Variants in PTPRT observed in about 807,000 individuals in gnomAD.
PTPRT encodes receptor-type tyrosine-protein phosphatase T.
In PTPRT, 56 loss-of-function variants were observed where a neutral mutation model predicts 176.8. That is an observed-to-expected ratio of 0.32 (90% confidence interval 0.26 to 0.40). The LOEUF (loss-of-function observed/expected upper bound fraction) is 0.40. Among genes scored for constraint, PTPRT ranks in the 10% least tolerant of loss-of-function variants. The probability of loss-of-function intolerance (pLI) is 1.00; values close to 1 mark genes in which losing one functional copy is unlikely to be tolerated. For synonymous variants in PTPRT, 783 were observed against 739.0 expected, an observed-to-expected ratio of 1.06 and a Z score of -0.96; for missense variants, 1,540 against 1,908.2, an observed-to-expected ratio of 0.81 and a Z score of 3.60.
At chr20:42,306,324 T>C (rs1267838839) in intron 12 of PTPRT, among the ~76,000 whole-genome samples, 1 of 152,106 alleles carries the variant, frequency 6.6e-6, no homozygotes, top group East Asian at 1.9e-4. Context: ...AACAATGGAA[T>C]GGAGGCCTGG....
chr20:43,183,488 A>C (rs1285477903), intron 1 of PTPRT, among the ~76,000 whole-genome samples: 1 of 152,240 alleles, frequency 6.6e-6, no homozygotes, highest in Non-Finnish European at 1.5e-5. Context: ...CATAAGTCTA[A>C]CTTCACAAAG....
At chr20:42,219,860 A>G (rs143096837) in intron 15 of PTPRT, among the ~76,000 whole-genome samples, 2 of 152,276 alleles carry the variant, frequency 1.3e-5, no homozygotes, top group African/African-American at 2.4e-5. Context: ...CCTGGCTTTT[A>G]GAGCAATACA....
intron 13 of PTPRT, among the ~76,000 whole-genome samples, chr20:42,280,215 G>C (rs973785693): frequency 2.0e-5 from 3 of 152,058 alleles, no homozygotes; most frequent in Non-Finnish European, 4.4e-5. Context: ...TAATAGATAG[G>C]GTTTGCCTTT....
At chr20:42,472,767 A>G (rs11699471) in intron 7 of PTPRT, among the ~76,000 whole-genome samples, 11,748 of 152,318 alleles carry the variant, frequency 0.077, 537 homozygotes, top group Middle Eastern at 0.15. Flanking sequence ...AAATACATGC[A>G]TCTAATAGAA....
intron 13 of PTPRT, among the ~76,000 whole-genome samples, chr20:42,273,864 G>C (rs898462890): frequency 6.6e-6 from 1 of 152,246 alleles, no homozygotes. Flanking sequence ...CCTTAGTTGG[G>C]TTGGTGGGCC....
At chr20:42,591,011 G>T (rs1480647762) in intron 7 of PTPRT, among the ~76,000 whole-genome samples, 1 of 148,418 alleles carries the variant, frequency 6.7e-6, no homozygotes, top group Non-Finnish European at 1.5e-5. Context: ...TTCCAGAAAT[G>T]CATTGTACTG....
intron 11 of PTPRT, among the ~76,000 whole-genome samples, chr20:42,336,329 A>G (rs2058039268): frequency 6.6e-6 from 1 of 152,236 alleles, no homozygotes; most frequent in Admixed American, 6.5e-5. Context: ...AATGTCTGCA[A>G]TCGATAACTT....
At chr20:42,108,689 T>TAAATA (rs1385664104) in intron 23 of PTPRT, among the ~76,000 whole-genome samples, 2 of 152,276 alleles carry the variant, frequency 1.3e-5, no homozygotes, top group East Asian at 3.9e-4. Flanking sequence ...GAAGGATTAA[T>TAAATA]AAATAATCTG....
At chr20:42,317,466 G>T (rs748872817) in intron 11 of PTPRT, among the ~76,000 whole-genome samples, 50 of 152,238 alleles carry the variant, frequency 3.3e-4, no homozygotes, top group Non-Finnish European at 5.6e-4. Flanking sequence ...ACAGAAGATC[G>T]ATTGCCCAAA....
At chr20:42,343,352 TG>T (rs1428080961) in intron 11 of PTPRT, among the ~76,000 whole-genome samples, 5 of 152,190 alleles carry the variant, frequency 3.3e-5, no homozygotes, top group African/African-American at 1.2e-4. Context: ...GCCAGAAAAC[TG>T]GGAGTCATGC....
chr20:42,699,051 A>C (rs149638538), intron 6 of PTPRT, among the ~76,000 whole-genome samples: 1 of 152,284 alleles, frequency 6.6e-6, no homozygotes, highest in Non-Finnish European at 1.5e-5. Flanking sequence ...ATGGAGAAGA[A>C]ATCTAGTCTC....
Position 42,950,483 on chromosome 20 carries a change from G to C in PTPRT, c.89-64551C>G, listed in dbSNP as rs138359868. ...TCACCTAGCTGCCTTTGTTAACTACGACCATGGGCAGAAGTCTGTGGAAAC... is the reference window on the plus strand; with the variant it reads ...TCACCTAGCTGCCTTTGTTAACTACCACCATGGGCAGAAGTCTGTGGAAAC... On this transcript the variant is annotated intron_variant, in intron 1 of 30. Transcript: ENST00000373187. Among the ~76,000 whole-genome samples the C allele has an allele frequency of 5.9e-5, 9 of 152,102 alleles. No homozygotes were observed. In the East Asian group the frequency reaches 1.7e-3, roughly 29 times the overall value.
intron 6 of PTPRT, among the ~76,000 whole-genome samples, chr20:42,708,537 T>C (rs1219383123): frequency 6.6e-6 from 1 of 152,124 alleles, no homozygotes; most frequent in East Asian, 1.9e-4. Context: ...GAAAGAAACA[T>C]AGACACCGTA....
chr20:42,139,570 T>C (rs751421460), intron 18 of PTPRT, among the ~76,000 whole-genome samples: 2 of 152,150 alleles, frequency 1.3e-5, no homozygotes. Context: ...TATTTCATGG[T>C]GGAGGGCTTC....
At chr20:42,427,258 G>A (rs1297553722) in intron 9 of PTPRT, among the ~76,000 whole-genome samples, 3 of 152,152 alleles carry the variant, frequency 2.0e-5, no homozygotes, top group African/African-American at 7.2e-5. Context: ...GAAGTACCAT[G>A]GGAGTTAAAG....
chr20:43,019,395 C>G (rs560944066), intron 1 of PTPRT, among the ~76,000 whole-genome samples: 15 of 151,938 alleles, frequency 9.9e-5, no homozygotes, highest in Admixed American at 9.2e-4. Context: ...TCAAGGCGGG[C>G]AGATCACGAG....
chr20:42,423,906 T>C (rs999818655), intron 9 of PTPRT, among the ~76,000 whole-genome samples: 2 of 152,200 alleles, frequency 1.3e-5, no homozygotes, highest in East Asian at 3.9e-4. Flanking sequence ...AAATTTCATA[T>C]GTATATAGAC....
chr20:42,510,325 G>C (rs1486404456), intron 7 of PTPRT, among the ~76,000 whole-genome samples: 1 of 151,922 alleles, frequency 6.6e-6, no homozygotes, highest in Non-Finnish European at 1.5e-5. Context: ...CCCTACCTAG[G>C]AACAAAAGTT....
intron 1 of PTPRT, among the ~76,000 whole-genome samples, chr20:43,166,225 G>A (rs1345480279): frequency 3.3e-5 from 5 of 151,974 alleles, no homozygotes; most frequent in Non-Finnish European, 7.4e-5. Context: ...TACTCGGGAG[G>A]CTGAGGCAGG....
Sources: gnomAD v4.1 joint callset for allele counts (sites outside exome capture counted in the v4.1 genomes callset) on GRCh38, gnomAD v4.1.1 for gene constraint, MANE v1.5 for transcripts, NCBI Gene and HGNC (gene_info 2026-07-23, HGNC 2026-07-21) for gene names.